USP28: variants seen among roughly 807,000 people sequenced by gnomAD.
The protein encoded by USP28 is ubiquitin specific peptidase 28, also known as ubiquitin carboxyl-terminal hydrolase 28.
USP28 carries 113 observed loss-of-function variants against 145.0 expected under a neutral mutation model. That is an observed-to-expected ratio of 0.78 (90% CI 0.67 to 0.91). The LOEUF (loss-of-function observed/expected upper bound fraction) is 0.91, where lower values mean the gene tolerates loss of function less well. Ranked by LOEUF, USP28 falls within the 40% of genes least tolerant of loss-of-function variation. USP28 has a pLI of 0.00. For synonymous variants in USP28, 447 were observed against 450.9 expected, an observed-to-expected ratio of 0.99 and a Z score of 0.11; for missense variants, 1,201 against 1,289.6, an observed-to-expected ratio of 0.93 and a Z score of 1.05.
chr11:113,847,735 C>T (rs1217410737), intron 3 of USP28, among the ~76,000 whole-genome samples: 2 of 152,090 alleles, frequency 1.3e-5, no homozygotes, highest in Admixed American at 6.5e-5. Context: ...TATCATATGA[C>T]CCAGCAATTC....
chr11:113,846,766 G>A (rs558897567), intron 3 of USP28, among the ~76,000 whole-genome samples: 3 of 152,138 alleles, frequency 2.0e-5, no homozygotes, highest in African/African-American at 4.8e-5. Context: ...TGAGGCAGGC[G>A]GATCACCTGA....
At chr11:113,799,136 A>C in exon 25 of USP28, 1 of 1,296,578 alleles carries the variant, frequency 7.7e-7, no homozygotes. Flanking sequence ...TCGGAATCTT[A>C]TGTGCCCACC....
At position 113,832,008 on chromosome 11, in the gene USP28, C is replaced by A. The variant is rs1403449398; in HGVS notation, c.760-15G>T. ...CTCACATCTTGCTATAAGAGAGGCACAAATTGCATAAAAGTTAGATGCAAT... is the reference window on the plus strand; with the variant it reads ...CTCACATCTTGCTATAAGAGAGGCAAAAATTGCATAAAAGTTAGATGCAAT... On this transcript the variant is annotated splice_polypyrimidine_tract_variant and intron_variant, in intron 7 of 24. Coordinates refer to ENST00000003302, the Ensembl canonical transcript of USP28. 6.2e-7 allele frequency: 1 copy of A among 1,610,042 alleles called. No individual in the cohort carries two copies. The highest frequency in any genetic ancestry group is 8.5e-7 in the Non-Finnish European group (1 of 1,178,474).
chr11:113,799,125 A>G (rs1175075498), exon 25 of USP28: 12 of 1,202,538 alleles, frequency 1.0e-5, no homozygotes, highest in African/African-American at 1.5e-5. Context: ...TTGGGGTCTG[A>G]TCGGAATCTT....
At chr11:113,817,047 G>C (rs1198130745) in intron 13 of USP28, among the ~76,000 whole-genome samples, 1 of 152,094 alleles carries the variant, frequency 6.6e-6, no homozygotes, top group Non-Finnish European at 1.5e-5. Context: ...TTGAGTATTA[G>C]TGTTTTTATT....
chr11:113,824,017 A>G (rs753548110), intron 11 of USP28, among the ~76,000 whole-genome samples: 165 of 152,336 alleles, frequency 1.1e-3, no homozygotes, highest in African/African-American at 3.5e-3. Flanking sequence ...TGATGTAAGC[A>G]TGCAGAAAAT....
intron 5 of USP28, among the ~76,000 whole-genome samples, chr11:113,838,642 C>T (rs1344974396): frequency 1.3e-5 from 2 of 152,308 alleles, no homozygotes; most frequent in African/African-American, 4.8e-5. Flanking sequence ...CTCAAATTCC[C>T]GCCTCATCAG....
chr11:113,809,584 T>G (rs941294058), intron 16 of USP28, among the ~76,000 whole-genome samples: 1 of 152,210 alleles, frequency 6.6e-6, no homozygotes, highest in African/African-American at 2.4e-5. Flanking sequence ...CTCATAAAGT[T>G]TTGTGGATTT....
chr11:113,799,009 C>T, exon 25 of USP28: 1 of 363,130 alleles, frequency 2.8e-6, no homozygotes, highest in Non-Finnish European at 4.9e-6. Context: ...CGTAATTCAA[C>T]ACCTTAATAC....
intron 1 of USP28, among the ~76,000 whole-genome samples, chr11:113,870,260 C>T (rs1165955021): frequency 6.6e-6 from 1 of 151,906 alleles, no homozygotes. Flanking sequence ...GGTGTGGTGG[C>T]TCATGCCTGT....
chr11:113,834,395 G>T, intron 5 of USP28, 60 bp from the exon 6 acceptor site: 1 of 1,170,862 alleles, frequency 8.5e-7, no homozygotes, highest in Non-Finnish European at 1.2e-6. Flanking sequence ...AGCAACATAT[G>T]TATTTTTCAC....
chr11:113,816,679 C>T lies in USP28; in HGVS notation c.1463+979G>A, dbSNP rs975653098. Among the ~76,000 whole-genome samples the T allele has an allele frequency of 2.6e-5, 4 of 152,180 alleles. No individual in the cohort carries two copies. In the East Asian group the frequency reaches 5.8e-4, roughly 22 times the overall value. On this transcript the variant is annotated intron_variant, in intron 13 of 24. Coordinates refer to ENST00000003302, the Ensembl canonical transcript of USP28. ...AATTTCAGAGGAGATTACACACATACACCTCCCTGTAATTTTTAAATCTAA... is the reference window on the plus strand; with the variant it reads ...AATTTCAGAGGAGATTACACACATATACCTCCCTGTAATTTTTAAATCTAA...
chr11:113,833,763 C>T (rs939356415), intron 6 of USP28, among the ~76,000 whole-genome samples: 20 of 152,218 alleles, frequency 1.3e-4, no homozygotes, highest in Admixed American at 1.1e-3. Context: ...AGAGACAGCA[C>T]TGTTGGAAAA....
chr11:113,829,487 T>C, intron 9 of USP28, 142 bp from the exon 10 acceptor site: 1 of 934,614 alleles, frequency 1.1e-6, no homozygotes, highest in African/African-American at 1.7e-5. Flanking sequence ...TATAGCAACC[T>C]CTAGTGAGCC....
At position 113,861,418 on chromosome 11, in the gene USP28, C is replaced by G. The variant is rs192350151; in HGVS notation, c.58-7083G>C. 2.2e-3 allele frequency among the ~76,000 whole-genome samples: 330 copies of G among 152,128 alleles called. 2 individuals are homozygous for G. Among genetic ancestry groups the G allele is most frequent in the African/African-American group, 7.7e-3 (319 of 41,492 alleles). ...CAAATGTCAGTACATGATGAAAATG[C>G]CTGTTTGAGTTTATTAACTGGCTTA... On this transcript the variant is annotated intron_variant, in intron 1 of 24. Coordinates refer to ENST00000003302, the Ensembl canonical transcript of USP28.
exon 14 of USP28, chr11:113,815,220 C>T (rs1345914699): frequency 5.6e-6 from 9 of 1,614,146 alleles, no homozygotes; most frequent in Non-Finnish European, 7.6e-6. Context: ...GAAGACAGGT[C>T]TTAACAAAAT....
intron 10 of USP28, chr11:113,828,987 A>G: frequency 1.4e-6 from 1 of 712,262 alleles, no homozygotes; most frequent in South Asian, 1.5e-5. Flanking sequence ...CCTTTACACG[A>G]GTAACTCAAA....
intron 1 of USP28, among the ~76,000 whole-genome samples, chr11:113,868,683 G>T (rs1948527393): frequency 6.6e-6 from 1 of 152,146 alleles, no homozygotes; most frequent in Non-Finnish European, 1.5e-5. Context: ...AACTTTGGGA[G>T]GCTCAGGCGG....
chr11:113,831,930 C>T (rs757300567), exon 8 of USP28: 1 of 1,613,860 alleles, frequency 6.2e-7, no homozygotes, highest in Non-Finnish European at 8.5e-7. Context: ...TTAACATTAA[C>T]AGCTAGCTGG....
Sources: gnomAD v4.1 joint callset for allele counts (sites outside exome capture counted in the v4.1 genomes callset) on GRCh38, gnomAD v4.1.1 for gene constraint, MANE v1.5 for transcripts, NCBI Gene and HGNC (gene_info 2026-07-23, HGNC 2026-07-21) for gene names.